Variants in TACC2 observed in about 807,000 individuals in gnomAD.
The protein encoded by TACC2 is transforming acidic coiled-coil-containing protein 2.
A neutral mutation model predicts 227.3 loss-of-function variants in TACC2; 137 were observed. The ratio of observed to expected loss-of-function variants is 0.60; its 90% CI spans 0.52 to 0.69. The LOEUF (loss-of-function observed/expected upper bound fraction) is 0.69. TACC2 is among the 30% of genes least tolerant of loss of function. The pLI is 0.00. For missense variants in TACC2, 3,470 were observed against 3,694.4 expected (o/e 0.94, Z 1.57); for synonymous variants, 1,523 against 1,487.5 (o/e 1.02, Z -0.55).
At chr10:122,168,114 A>G (rs2093288765) in intron 7 of TACC2, among the ~76,000 whole-genome samples, 1 of 144,468 alleles carries the variant, frequency 6.9e-6, no homozygotes, top group Non-Finnish European at 1.5e-5. Context: ...TATGTGGCCC[A>G]GGCTGGTCTC....
chr10:122,228,671 T>C (rs141865564), intron 14 of TACC2, among the ~76,000 whole-genome samples: 15 of 152,138 alleles, frequency 9.9e-5, no homozygotes, highest in African/African-American at 2.9e-4. Context: ...CTTGATTTAG[T>C]GTGTTATTTT....
At chr10:122,073,411 C>T (rs1591701068) in intron 3 of TACC2, among the ~76,000 whole-genome samples, 1 of 152,142 alleles carries the variant, frequency 6.6e-6, no homozygotes, top group East Asian at 1.9e-4. Context: ...TTCACATCTT[C>T]CTGGTTGACA....
intron 5 of TACC2, among the ~76,000 whole-genome samples, chr10:122,125,299 G>A (rs1402419163): frequency 1.3e-5 from 2 of 152,090 alleles, no homozygotes; most frequent in Non-Finnish European, 2.9e-5. Flanking sequence ...GGGCTCAGGT[G>A]ATCCTCCCAC....
chr10:122,069,604 T>C (rs2077802611), intron 3 of TACC2, among the ~76,000 whole-genome samples: 1 of 152,162 alleles, frequency 6.6e-6, no homozygotes, highest in African/African-American at 2.4e-5. Context: ...CCTTAGCAGC[T>C]AATCCTCCAT....
At position 122,087,952 on chromosome 10, in the gene TACC2, ACTGACAGGTAC is replaced by A. The variant is rs767855476; in HGVS notation, c.5453_5459+4del. ...ACATTTGGCTCCAGAAGAGCTCCAC[ACTGACAGGTAC>A]TTAAATGAAAAAATTCCCACGGGAA... On this transcript the variant is annotated splice_donor_variant and splice_donor_region_variant and coding_sequence_variant and intron_variant, in exon 4 of 23. Coordinates refer to ENST00000369005, the MANE Select transcript of TACC2 (RefSeq NM_206862.4). LOFTEE classifies it high-confidence loss of function. 8 of 1,502,206 alleles carry A rather than the reference ACTGACAGGTAC, an allele frequency of 5.3e-6. No homozygotes were observed. In the Admixed American group the frequency reaches 1.4e-4, roughly 27 times the overall value. The allele number at this position is 1,502,206 out of a possible 1,614,324, so 93.1% of individuals were successfully genotyped here.
chr10:122,247,484 GCA>G (rs2096151142), intron 19 of TACC2: 1 of 152,266 alleles, frequency 6.6e-6, no homozygotes, highest in South Asian at 2.1e-4. Flanking sequence ...GGATGGATCC[GCA>G]CAGAGGACAG....
At chr10:122,157,283 G>A (rs1224784334) in intron 7 of TACC2, among the ~76,000 whole-genome samples, 1 of 152,182 alleles carries the variant, frequency 6.6e-6, no homozygotes, top group Non-Finnish European at 1.5e-5. Flanking sequence ...AGTGCAGGAT[G>A]GGGGAACTAG....
At chr10:122,216,859 A>G in intron 11 of TACC2, 31 bp downstream of exon 11, 3 of 1,613,886 alleles carry the variant, frequency 1.9e-6, no homozygotes, top group East Asian at 2.2e-5. Context: ...CTGGACCCCC[A>G]CTCTGCCTCG....
Position 122,084,678 on chromosome 10 carries a change from T to C in TACC2, c.2178T>C (p.Thr726=). Reference sequence around the variant, plus strand: ...CAGAGAAATCAGATTTTCCACCAACTCCTGTTGCAGAGGTTGCACCCAAAG... The same window carrying C: ...CAGAGAAATCAGATTTTCCACCAACCCCTGTTGCAGAGGTTGCACCCAAAG... ...LESEKSDFPP[T]PVAEVAPKAQ... Residue 726 remains threonine (T), a synonymous_variant, in exon 4 of 23, where the codon ACT becomes ACC. Transcript: ENST00000369005. The C allele has an allele frequency of 6.2e-7, 1 of 1,613,546 alleles. No homozygotes were observed. Among genetic ancestry groups the C allele is most frequent in the Non-Finnish European group, 8.5e-7 (1 of 1,180,000 alleles).
intron 5 of TACC2, among the ~76,000 whole-genome samples, chr10:122,106,162 A>G (rs375693602): frequency 8.7e-5 from 13 of 149,630 alleles, no homozygotes; most frequent in African/African-American, 1.2e-4. Flanking sequence ...TAATTTTTGT[A>G]TTTTTAGTAG....
Position 122,227,918 on chromosome 10 carries a change from C to A in TACC2, c.7806C>A (p.Asn2602Lys). The change falls in exon 14 of 23, where the codon AAC becomes AAA. Residue 2602 changes from asparagine to lysine, a missense_variant. Physicochemically the swap from Asn to Lys is moderately conservative, Grantham distance 94 (BLOSUM62 0). Transcript: ENST00000369005. ...QHPVPRGLAP[N>K]QESHLQVPEK... is the part of the protein sequence containing the mutation. Reference sequence around the variant, plus strand: ...CTGTCCCACGAGGACTGGCCCCTAACCAAGAGTCACACTTGCAGGTGCCAG... The same window carrying A: ...CTGTCCCACGAGGACTGGCCCCTAAACAAGAGTCACACTTGCAGGTGCCAG... 6.2e-7 allele frequency: 1 copy of A among 1,614,280 alleles called. No homozygotes were observed. Among genetic ancestry groups the A allele is most frequent in the Non-Finnish European group, 8.5e-7 (1 of 1,180,046 alleles).
At chr10:122,052,976 A>G (rs747342776) in intron 3 of TACC2, among the ~76,000 whole-genome samples, 1 of 152,148 alleles carries the variant, frequency 6.6e-6, no homozygotes, top group Non-Finnish European at 1.5e-5. Context: ...CATTTTGCAT[A>G]TGGGTTCCAG....
chr10:122,139,153 A>G (rs2090148908), intron 6 of TACC2, among the ~76,000 whole-genome samples: 1 of 152,194 alleles, frequency 6.6e-6, no homozygotes, highest in Non-Finnish European at 1.5e-5. Flanking sequence ...CTTCCTGCTT[A>G]AGTTTTGCTT....
intron 7 of TACC2, among the ~76,000 whole-genome samples, chr10:122,179,061 T>C (rs2093862522): frequency 6.6e-6 from 1 of 152,180 alleles, no homozygotes; most frequent in African/African-American, 2.4e-5. Flanking sequence ...AACAAAACGC[T>C]GAAGCATGTT....
intron 6 of TACC2, among the ~76,000 whole-genome samples, chr10:122,134,026 AG>A (rs2088981246): frequency 6.6e-6 from 1 of 152,130 alleles, no homozygotes; most frequent in Non-Finnish European, 1.5e-5. Flanking sequence ...CTTCAAAACT[AG>A]GAGGAGGTAC....
At position 122,236,136 on chromosome 10, in the gene TACC2, G is replaced by A. The variant is rs149814415; in HGVS notation, c.8128-1259G>A. 2.5e-3 allele frequency among the ~76,000 whole-genome samples: 386 copies of A among 152,178 alleles called. 1 individual carries two copies. Among genetic ancestry groups the A allele is most frequent in the Non-Finnish European group, 4.5e-3 (307 of 68,022 alleles). On this transcript the variant is annotated intron_variant, in intron 16 of 22. Transcript: ENST00000369005. ...TTCATTTTCCCTGATGCTGTCGTAG[G>A]GTAGGCACGCCTGTTCTGGTGGTGG...
rs764582325 is a variant in TACC2, at chr10:122,085,905, C to T, written c.3405C>T (p.Ser1135=). 3.4e-5 allele frequency: 55 copies of T among 1,612,978 alleles called. 1 individual carries two copies. The highest frequency in any genetic ancestry group is 2.5e-4 in the African/African-American group (19 of 74,904). Residue 1135 remains serine, a synonymous_variant, in exon 4 of 23, where the codon AGC becomes AGT. Coordinates refer to ENST00000369005, the MANE Select transcript of TACC2 (RefSeq NM_206862.4). ...CCGGGGCTGCTGAGACTGGTGGCAGCGCTGGTGCAGGAGACCCAGGAAAGC... is the reference window on the plus strand; with the variant it reads ...CCGGGGCTGCTGAGACTGGTGGCAGTGCTGGTGCAGGAGACCCAGGAAAGC... ...GEAGAAETGG[S]AGAGDPGKQQ... is the part of the protein sequence containing the mutation.
intron 19 of TACC2, among the ~76,000 whole-genome samples, chr10:122,245,848 A>G (rs1037371158): frequency 6.6e-6 from 1 of 152,120 alleles, no homozygotes; most frequent in Admixed American, 6.5e-5. Flanking sequence ...CCTATTTTAG[A>G]CAAGGAGGCT....
At chr10:122,107,043 C>G (rs1424918661) in intron 5 of TACC2, among the ~76,000 whole-genome samples, 4 of 152,348 alleles carry the variant, frequency 2.6e-5, no homozygotes, top group Non-Finnish European at 5.9e-5. Flanking sequence ...AGTGAGAAAA[C>G]TATCTCCAGA....
Sources: allele counts gnomAD v4.1 joint callset (sites outside exome capture counted in the v4.1 genomes callset), GRCh38; gene constraint gnomAD v4.1.1; transcripts MANE v1.5; gene names NCBI Gene and HGNC (gene_info 2026-07-23, HGNC 2026-07-21).